SLC9A8: variants seen among roughly 807,000 people sequenced by gnomAD.
The protein encoded by SLC9A8 is sodium/hydrogen exchanger 8.
SLC9A8 carries 48 observed loss-of-function variants against 66.6 expected under a neutral mutation model. The ratio of observed to expected loss-of-function variants is 0.72; its 90% CI spans 0.57 to 0.92. The LOEUF (loss-of-function observed/expected upper bound fraction) is 0.92. Ranked by LOEUF, SLC9A8 falls within the 40% of genes least tolerant of loss-of-function variation. SLC9A8 has a pLI of 0.00. For synonymous variants in SLC9A8, 274 were observed against 282.6 expected (o/e 0.97, Z 0.31); for missense variants, 599 against 747.3 (o/e 0.80, Z 2.31).
intron 2 of SLC9A8, among the ~76,000 whole-genome samples, chr20:49,818,022 G>A (rs559340659): frequency 2.5e-4 from 37 of 150,484 alleles, no homozygotes; most frequent in African/African-American, 3.6e-4. Context: ...TATAAAAGGC[G>A]GGCCTGGAAA....
At chr20:49,841,292 CAG>C (rs1396088325) in intron 4 of SLC9A8, among the ~76,000 whole-genome samples, 1 of 141,728 alleles carries the variant, frequency 7.1e-6, no homozygotes, top group African/African-American at 2.6e-5. Context: ...GCCTGGGCAA[CAG>C]AGCAAGACCC....
intron 3 of SLC9A8, among the ~76,000 whole-genome samples, chr20:49,831,417 C>G (rs2087187209): frequency 6.6e-6 from 1 of 150,896 alleles, no homozygotes; most frequent in Non-Finnish European, 1.5e-5. Flanking sequence ...CTCTCTCTCT[C>G]TCTCTCTCTC....
chr20:49,817,718 C>T (rs999142673), intron 2 of SLC9A8, among the ~76,000 whole-genome samples: 4 of 151,950 alleles, frequency 2.6e-5, no homozygotes, highest in Admixed American at 2.0e-4. Flanking sequence ...ACTTATAAAC[C>T]GATACTGAAA....
intron 3 of SLC9A8, 66 bp from the exon 4 acceptor site, chr20:49,839,475 G>T: frequency 8.9e-7 from 1 of 1,129,432 alleles, no homozygotes; most frequent in Non-Finnish European, 1.3e-6. Flanking sequence ...GCTGTGTCAT[G>T]TCTTAAATTT....
chr20:49,829,725 T>C (rs190262591), intron 3 of SLC9A8: 51 of 507,202 alleles, frequency 1.0e-4, no homozygotes, highest in Admixed American at 4.6e-4. Context: ...AAGGGAAAGA[T>C]CAGACGTCAT....
chr20:49,834,181 CTCTCTATATA>C (rs773978084), intron 3 of SLC9A8, among the ~76,000 whole-genome samples: 3,290 of 45,776 alleles, frequency 0.072, 74 homozygotes, highest in Non-Finnish European at 0.095. Context: ...CTCTCTCTCT[CTCTCTATATA>C]TATATATATA....
intron 4 of SLC9A8, among the ~76,000 whole-genome samples, chr20:49,844,206 A>T (rs1028732797): frequency 2.6e-5 from 4 of 152,174 alleles, no homozygotes; most frequent in African/African-American, 9.7e-5. Flanking sequence ...TCCAGTGTGG[A>T]CTGTTTTATC....
chr20:49,874,724 C>A lies in SLC9A8; in HGVS notation c.978C>A (p.Phe326Leu). ...CTCTAGGCATCATGGCCATCCTTTTCTCAGGCATCGTGATGTCCCACTACA... is the reference window on the plus strand; with the variant it reads ...CTCTAGGCATCATGGCCATCCTTTTATCAGGCATCGTGATGTCCCACTACA... Reference protein sequence around the residue: ...ISLSGIMAILFSGIVMSHYTH... With the variant: ...ISLSGIMAILLSGIVMSHYTH... Residue 326 changes from phenylalanine to leucine, a missense_variant, in exon 11 of 16, where the codon TTC (phenylalanine) becomes TTA (leucine). Coordinates refer to ENST00000361573, the MANE Select transcript of SLC9A8 (RefSeq NM_015266.3). 1 of 1,610,336 alleles carries A rather than the reference C, an allele frequency of 6.2e-7. No individual in the cohort carries two copies. Among genetic ancestry groups the A allele is most frequent in the Non-Finnish European group, 8.5e-7 (1 of 1,176,508 alleles).
At chr20:49,881,746 G>T (rs1453871244) in intron 13 of SLC9A8, among the ~76,000 whole-genome samples, 3 of 152,112 alleles carry the variant, frequency 2.0e-5, no homozygotes, top group Non-Finnish European at 4.4e-5. Context: ...GTTTAAAAAT[G>T]TATATGTTTC....
At chr20:49,842,540 C>A (rs972869074) in intron 4 of SLC9A8, among the ~76,000 whole-genome samples, 4 of 152,102 alleles carry the variant, frequency 2.6e-5, no homozygotes, top group Admixed American at 2.6e-4. Flanking sequence ...AGCGGTATTG[C>A]CATCCTAAGG....
chr20:49,888,160 C>G lies in SLC9A8; in HGVS notation c.*224C>G. 2.1e-6 allele frequency: 1 copy of G among 472,828 alleles called. No individual in the cohort carries two copies. Among genetic ancestry groups the G allele is most frequent in the South Asian group, 2.1e-5 (1 of 48,582 alleles). The allele number at this position is 472,828 out of a possible 1,614,324, so 29.3% of individuals were successfully genotyped here. A position where few individuals can be genotyped will look rare whatever the true frequency, so the allele number is the denominator to read the frequency against. Reference sequence around the variant, plus strand: ...TGTCATCTCCCGACTCCTCCCTGAGCCAGCCTCCGCTCAGTGTGGCTCCTC... The same window carrying G: ...TGTCATCTCCCGACTCCTCCCTGAGGCAGCCTCCGCTCAGTGTGGCTCCTC... On this transcript the variant is annotated 3_prime_UTR_variant, in exon 16 of 16. Coordinates refer to ENST00000361573, the MANE Select transcript of SLC9A8 (RefSeq NM_015266.3).
At chr20:49,848,071 G>A (rs1442706201) in intron 5 of SLC9A8, among the ~76,000 whole-genome samples, 1 of 151,568 alleles carries the variant, frequency 6.6e-6, no homozygotes, top group Non-Finnish European at 1.5e-5. Context: ...GATTACAGGC[G>A]TCTATAACCA....
intron 10 of SLC9A8, among the ~76,000 whole-genome samples, chr20:49,868,570 C>T (rs773818157): frequency 6.6e-6 from 1 of 152,140 alleles, no homozygotes; most frequent in Admixed American, 6.5e-5. Context: ...CATTCTCTTC[C>T]TAGGAAGTGG....
At chr20:49,834,435 ATATATATATATATACTG>A (rs1568814466) in intron 3 of SLC9A8, among the ~76,000 whole-genome samples, 4 of 25,510 alleles carry the variant, frequency 1.6e-4, no homozygotes, top group East Asian at 1.6e-3. Context: ...TATATACTGT[ATATATATATATATACTG>A]TATATATATA....
At chr20:49,851,658 T>A (rs939828798) in intron 7 of SLC9A8, among the ~76,000 whole-genome samples, 4 of 152,192 alleles carry the variant, frequency 2.6e-5, no homozygotes, top group African/African-American at 9.6e-5. Context: ...ACCCTTTTCA[T>A]GGGAACTGTG....
At position 49,820,277 on chromosome 20, in the gene SLC9A8, C is replaced by T. The variant is rs527807265; in HGVS notation, c.209-2784C>T. 2.8e-4 allele frequency among the ~76,000 whole-genome samples: 42 copies of T among 152,122 alleles called. 1 individual carries two copies. The highest frequency in any genetic ancestry group is 9.6e-4 in the African/African-American group (40 of 41,518). On this transcript the variant is annotated intron_variant, in intron 2 of 15. Coordinates refer to ENST00000361573, the MANE Select transcript of SLC9A8 (RefSeq NM_015266.3). ...GCTGAGGCGGGAAGATCACTTGAGG[C>T]CAGGAGTTCGAGACCAGCCTGGCAA...
At chr20:49,857,490 G>T (rs1051182874) in intron 8 of SLC9A8, among the ~76,000 whole-genome samples, 5 of 152,238 alleles carry the variant, frequency 3.3e-5, no homozygotes, top group African/African-American at 1.2e-4. Context: ...GGCTGAGGCG[G>T]ATGGATCACT....
At chr20:49,884,334 ACACCCCCCGGTCATCC>A (rs2089806531) in intron 14 of SLC9A8, among the ~76,000 whole-genome samples, 1 of 124,376 alleles carries the variant, frequency 8.0e-6, no homozygotes, top group African/African-American at 3.2e-5. Flanking sequence ...ACACACACAC[ACACCCCCCGGTCATCC>A]CCCCTGAGAA....
chr20:49,875,775 C>T (rs896113383), intron 11 of SLC9A8, among the ~76,000 whole-genome samples: 1 of 151,824 alleles, frequency 6.6e-6, no homozygotes, highest in Non-Finnish European at 1.5e-5. Context: ...TGCTGTGTCG[C>T]CCAGGCTGGG....
Sources: gnomAD v4.1 joint callset for allele counts (sites outside exome capture counted in the v4.1 genomes callset) on GRCh38, gnomAD v4.1.1 for gene constraint, MANE v1.5 for transcripts, NCBI Gene and HGNC (gene_info 2026-07-23, HGNC 2026-07-21) for gene names.